The following ZDHHC17 variants were observed in gnomAD, a reference collection of about 807,000 sequenced individuals.
The protein encoded by ZDHHC17 is zDHHC palmitoyltransferase 17, also known as palmitoyltransferase ZDHHC17.
In ZDHHC17, 40 loss-of-function variants were observed where a neutral mutation model predicts 90.3. The ratio of observed to expected loss-of-function variants is 0.44; its 90% CI spans 0.34 to 0.58. ZDHHC17 has a LOEUF of 0.58. Among genes scored for constraint, ZDHHC17 ranks in the 20% least tolerant of loss-of-function variants. The pLI is 0.01. For synonymous variants in ZDHHC17, 235 were observed against 252.4 expected, an observed-to-expected ratio of 0.93 and a Z score of 0.65; for missense variants, 614 against 780.8, an observed-to-expected ratio of 0.79 and a Z score of 2.55.
At chr12:76,822,673 G>A (rs1394556431) in intron 8 of ZDHHC17, 142 bp downstream of exon 8, 1 of 662,236 alleles carries the variant, frequency 1.5e-6, no homozygotes, top group East Asian at 2.8e-5. Context: ...TTGTGCCTCA[G>A]CCTCCTGAGT....
At chr12:76,777,822 G>C (rs905605950) in intron 1 of ZDHHC17, among the ~76,000 whole-genome samples, 1 of 152,186 alleles carries the variant, frequency 6.6e-6, no homozygotes, top group Non-Finnish European at 1.5e-5. Context: ...AACTGAGTTA[G>C]GTTTGTGCGT....
At chr12:76,767,135 C>T (rs1042229022) in intron 1 of ZDHHC17, among the ~76,000 whole-genome samples, 2 of 151,994 alleles carry the variant, frequency 1.3e-5, no homozygotes. Context: ...TGTAGGTGCT[C>T]AGTTAATGTT....
rs186646374 is a variant in ZDHHC17 at position 76,809,043 on chromosome 12, A to T, written c.321A>T (p.Lys107Asn). The T allele has an allele frequency of 6.6e-7, 1 of 1,513,750 alleles. No homozygotes were observed. The allele number at this position is 1,513,750 out of a possible 1,614,324, so 93.8% of individuals were successfully genotyped here. The change falls in exon 4 of 17, where the codon AAA becomes AAT. Residue 107 changes from lysine (K) to asparagine (N), a missense_variant and splice_region_variant. This residue lies in a region of ZDHHC17 where 358 missense variants were observed against 380.4 expected (regional missense o/e 0.94). Transcript: ENST00000426126. The part of the protein sequence containing the change: ...AAINNRIDLV[K>N]YYISKGAIVD... ...AATTATTATAAATTTTGTCTTATAG[A>T]TACTATATTTCGAAAGGTGCTATTG...
chr12:76,777,163 T>C (rs931043943), intron 1 of ZDHHC17, among the ~76,000 whole-genome samples: 1 of 152,200 alleles, frequency 6.6e-6, no homozygotes, highest in Non-Finnish European at 1.5e-5. Flanking sequence ...CATATTGCCC[T>C]TTTATACCCA....
intron 4 of ZDHHC17, 124 bp downstream of exon 4, chr12:76,809,244 A>C (rs1042036114): frequency 1.8e-6 from 1 of 566,660 alleles, no homozygotes; most frequent in Non-Finnish European, 2.8e-6. Flanking sequence ...TAATATCATA[A>C]ATATGCTGAT....
chr12:76,798,744 G>GTTC (rs1952852488), intron 2 of ZDHHC17, among the ~76,000 whole-genome samples: 1 of 152,150 alleles, frequency 6.6e-6, no homozygotes, highest in South Asian at 2.1e-4. Flanking sequence ...GGGAGGTGAA[G>GTTC]GGGAAGCAGG....
At chr12:76,790,790 G>A (rs1359442429) in intron 1 of ZDHHC17, among the ~76,000 whole-genome samples, 1 of 152,160 alleles carries the variant, frequency 6.6e-6, no homozygotes, top group African/African-American at 2.4e-5. Context: ...TCAGAAGTAG[G>A]GAGTAGAATA....
chr12:76,809,646 G>T, intron 4 of ZDHHC17, 67 bp from the exon 5 acceptor site: 1 of 1,281,762 alleles, frequency 7.8e-7, no homozygotes. Context: ...ACTTGAAAAA[G>T]CTCTTCCCAG....
rs1428906867 is a variant in ZDHHC17 at position 76,852,002 on chromosome 12, G to A, written c.*1017G>A. On this transcript the variant is annotated 3_prime_UTR_variant, in exon 17 of 17. Transcript: ENST00000426126. ...AGCACATGTGAATAAAAGAAAAGCT[G>A]ACAGTATATTCTGGTTTCAATAAAA... The A allele has an allele frequency of 6.6e-6, 1 of 152,554 alleles. No individual in the cohort carries two copies. The highest frequency in any genetic ancestry group is 1.5e-5 in the Non-Finnish European group (1 of 68,034). The allele number at this position is 152,554 out of a possible 1,614,324, so 9.5% of individuals were successfully genotyped here.
At chr12:76,796,360 A>G (rs922387549) in intron 1 of ZDHHC17, among the ~76,000 whole-genome samples, 1 of 152,168 alleles carries the variant, frequency 6.6e-6, no homozygotes, top group South Asian at 2.1e-4. Context: ...CAGTTTTTAT[A>G]TAAAAGAAAC....
chr12:76,840,734 A>G (rs986786182), intron 10 of ZDHHC17, among the ~76,000 whole-genome samples: 3 of 152,240 alleles, frequency 2.0e-5, no homozygotes, highest in African/African-American at 4.8e-5. Flanking sequence ...CTTTATCATT[A>G]AAGAGCAAGG....
intron 1 of ZDHHC17, chr12:76,781,599 G>T (rs1952627964): frequency 2.2e-6 from 1 of 455,978 alleles, no homozygotes. Flanking sequence ...TCTTGCCCTT[G>T]CACCTTCTAC....
At chr12:76,777,197 A>G (rs1306687758) in intron 1 of ZDHHC17, among the ~76,000 whole-genome samples, 1 of 152,124 alleles carries the variant, frequency 6.6e-6, no homozygotes, top group African/African-American at 2.4e-5. Context: ...CCAGCTCCCA[A>G]CCTGTCCTTA....
At chr12:76,837,435 C>T (rs1953380702) in intron 10 of ZDHHC17, among the ~76,000 whole-genome samples, 1 of 152,132 alleles carries the variant, frequency 6.6e-6, no homozygotes, top group African/African-American at 2.4e-5. Context: ...TTCAAGACTG[C>T]AGTAAGATAT....
At position 76,847,534 on chromosome 12, in the gene ZDHHC17, T is replaced by C. The variant is rs1030708497; in HGVS notation, c.1508-699T>C. ...CAGCAGTATTTTATAGCAACTCTCC[T>C]ACAGCAGGAGATTTTGTATTAGGAA... On this transcript the variant is annotated intron_variant, in intron 14 of 16. Transcript: ENST00000426126. Among the ~76,000 whole-genome samples the C allele has an allele frequency of 5.9e-5, 9 of 152,308 alleles. No homozygotes were observed. In the East Asian group the frequency reaches 1.7e-3, roughly 29 times the overall value.
chr12:76,822,196 C>T (rs1299081862), intron 7 of ZDHHC17, among the ~76,000 whole-genome samples: 6 of 152,042 alleles, frequency 3.9e-5, no homozygotes, highest in Non-Finnish European at 5.9e-5. Flanking sequence ...ATAAAATCTA[C>T]GGAATATGAT....
intron 16 of ZDHHC17, among the ~76,000 whole-genome samples, chr12:76,850,218 C>A (rs926744905): frequency 6.6e-6 from 1 of 151,982 alleles, no homozygotes; most frequent in African/African-American, 2.4e-5. Flanking sequence ...TGGTGCGCAC[C>A]TGGCCAAAAC....
intron 1 of ZDHHC17, among the ~76,000 whole-genome samples, chr12:76,778,288 A>G (rs1473905906): frequency 1.3e-5 from 2 of 151,992 alleles, no homozygotes; most frequent in Non-Finnish European, 2.9e-5. Context: ...GCTCACTGCA[A>G]CCTCTGCCTC....
intron 1 of ZDHHC17, 32 bp downstream of exon 1, chr12:76,764,361 C>T: frequency 1.3e-6 from 2 of 1,544,270 alleles, no homozygotes; most frequent in Admixed American, 1.9e-5. Flanking sequence ...ATTCCTTGCC[C>T]TGCGGCCCTC....
Sources: allele counts gnomAD v4.1 joint callset (sites outside exome capture counted in the v4.1 genomes callset), GRCh38; gene constraint gnomAD v4.1.1; regional missense constraint gnomAD v4.1.1; transcripts MANE v1.5; gene names NCBI Gene and HGNC (gene_info 2026-07-23, HGNC 2026-07-21).